The following NCAM2 variants were observed in gnomAD, a reference collection of about 807,000 sequenced individuals.
NCAM2 encodes N-CAM-2.
NCAM2 carries 30 observed loss-of-function variants against 98.1 expected under a neutral mutation model. That is an observed-to-expected ratio of 0.31 (90% CI 0.23 to 0.41). The LOEUF (loss-of-function observed/expected upper bound fraction) is 0.41, where lower values mean the gene tolerates loss of function less well. Ranked by LOEUF, NCAM2 falls within the 10% of genes least tolerant of loss-of-function variation. NCAM2 has a pLI of 1.00. For missense variants in NCAM2, 867 were observed against 1,005.8 expected, an observed-to-expected ratio of 0.86 and a Z score of 1.87; for synonymous variants, 368 against 342.4, an observed-to-expected ratio of 1.07 and a Z score of -0.83.
intron 15 of NCAM2, among the ~76,000 whole-genome samples, chr21:21,488,859 A>G (rs145374131): frequency 0.013 from 1,992 of 152,216 alleles, 18 homozygotes; most frequent in Non-Finnish European, 0.02. Context: ...AATATTGATC[A>G]TACCTAAATA....
At chr21:21,013,056 G>A (rs2064239259) in intron 1 of NCAM2, among the ~76,000 whole-genome samples, 1 of 151,960 alleles carries the variant, frequency 6.6e-6, no homozygotes, top group Non-Finnish European at 1.5e-5. Context: ...ATTGAAATTA[G>A]GCCAATAAAT....
At chr21:21,047,811 T>A (rs1036954831) in intron 1 of NCAM2, among the ~76,000 whole-genome samples, 1 of 152,168 alleles carries the variant, frequency 6.6e-6, no homozygotes, top group Non-Finnish European at 1.5e-5. Flanking sequence ...AGCTCTGATT[T>A]TTTTCATCTT....
chr21:21,242,731 T>A (rs1218528177), intron 1 of NCAM2, among the ~76,000 whole-genome samples: 1 of 152,232 alleles, frequency 6.6e-6, no homozygotes, highest in African/African-American at 2.4e-5. Flanking sequence ...TCCATCTATC[T>A]GATGATGGAC....
At chr21:21,011,327 C>T (rs1166646951) in intron 1 of NCAM2, among the ~76,000 whole-genome samples, 3 of 151,922 alleles carry the variant, frequency 2.0e-5, no homozygotes, top group Non-Finnish European at 4.4e-5. Context: ...TAAAATGATG[C>T]TCATTTCACT....
intron 1 of NCAM2, among the ~76,000 whole-genome samples, chr21:21,030,228 T>A (rs981616901): frequency 6.6e-6 from 1 of 152,154 alleles, no homozygotes; most frequent in South Asian, 2.1e-4. Flanking sequence ...GTAAATACTT[T>A]TACTAACACA....
At chr21:21,357,877 A>G (rs571885253) in intron 8 of NCAM2, among the ~76,000 whole-genome samples, 8 of 152,312 alleles carry the variant, frequency 5.3e-5, no homozygotes, top group African/African-American at 1.9e-4. Flanking sequence ...AAACTTAATA[A>G]AATACTTTAG....
At chr21:21,282,821 A>G (rs1169317701) in intron 2 of NCAM2, among the ~76,000 whole-genome samples, 3 of 151,858 alleles carry the variant, frequency 2.0e-5, no homozygotes, top group Non-Finnish European at 3.0e-5. Context: ...GATAGAAATT[A>G]TTTGTTAGAG....
intron 1 of NCAM2, among the ~76,000 whole-genome samples, chr21:21,215,307 T>C (rs2069846697): frequency 6.6e-6 from 1 of 152,190 alleles, no homozygotes; most frequent in African/African-American, 2.4e-5. Flanking sequence ...GTCATAGAGA[T>C]GTTCTCATGT....
chr21:21,494,926 C>T (rs900286645), intron 15 of NCAM2, among the ~76,000 whole-genome samples: 1 of 151,316 alleles, frequency 6.6e-6, no homozygotes, highest in Non-Finnish European at 1.5e-5. Flanking sequence ...AAAATAAGCA[C>T]AGCTCAGTTT....
At chr21:21,108,336 G>C (rs895783102) in intron 1 of NCAM2, among the ~76,000 whole-genome samples, 1 of 151,866 alleles carries the variant, frequency 6.6e-6, no homozygotes, top group African/African-American at 2.4e-5. Context: ...TTTCATTCAC[G>C]GTTTAATTTC....
chr21:21,068,062 C>G (rs1386354661), intron 1 of NCAM2, among the ~76,000 whole-genome samples: 4 of 150,926 alleles, frequency 2.7e-5, no homozygotes, highest in Admixed American at 6.6e-5. Flanking sequence ...GTTCATTTAA[C>G]TTTTTGTGAA....
chr21:21,059,812 A>T (rs2065285421), intron 1 of NCAM2, among the ~76,000 whole-genome samples: 1 of 152,100 alleles, frequency 6.6e-6, no homozygotes, highest in Admixed American at 6.6e-5. Flanking sequence ...TATGTAGCAG[A>T]TAGAGACCAA....
chr21:21,123,848 C>CTTTTTTTTTTTTTTTTTTTTTTTTTT (rs71193401), intron 1 of NCAM2, among the ~76,000 whole-genome samples: 2 of 86,656 alleles, frequency 2.3e-5, no homozygotes, highest in African/African-American at 9.1e-5. Context: ...TTCTTGATTG[C>CTTTTTTTTTTTTTTTTTTTTTTTTTT]TTTTTTTTTT....
intron 11 of NCAM2, among the ~76,000 whole-genome samples, chr21:21,430,830 G>A (rs1281205732): frequency 3.3e-5 from 5 of 151,806 alleles, no homozygotes; most frequent in African/African-American, 7.3e-5. Context: ...GGCAGATCAC[G>A]AGGTTAAAAG....
intron 1 of NCAM2, among the ~76,000 whole-genome samples, chr21:21,074,713 C>T (rs8128423): frequency 6.7e-6 from 1 of 148,404 alleles, no homozygotes; most frequent in African/African-American, 2.5e-5. Flanking sequence ...AGCTAACACT[C>T]GTTCTTTCTT....
chr21:21,537,785 G>T (rs1990061073), intron 17 of NCAM2, 61 bp from the exon 18 acceptor site: 5 of 797,842 alleles, frequency 6.3e-6, no homozygotes, highest in East Asian at 2.6e-5. Context: ...GTAACTTAAA[G>T]GTTAAGGTAC....
intron 1 of NCAM2, among the ~76,000 whole-genome samples, chr21:21,062,860 G>T (rs527752432): frequency 3.7e-4 from 56 of 152,248 alleles, no homozygotes; most frequent in African/African-American, 1.3e-3. Context: ...GCAGAGAAAG[G>T]TGATCATAAC....
chr21:21,045,136 A>T (rs2064983677), intron 1 of NCAM2, among the ~76,000 whole-genome samples: 1 of 152,168 alleles, frequency 6.6e-6, no homozygotes, highest in South Asian at 2.1e-4. Context: ...TTGATACTTA[A>T]AACTGTTAAC....
intron 1 of NCAM2, among the ~76,000 whole-genome samples, chr21:21,230,126 T>C (rs2070561301): frequency 6.6e-6 from 1 of 151,084 alleles, no homozygotes; most frequent in South Asian, 2.1e-4. Context: ...ATTTGGATGA[T>C]TACTCTCTGT....
Sources: allele counts gnomAD v4.1 joint callset (sites outside exome capture counted in the v4.1 genomes callset), GRCh38; gene constraint gnomAD v4.1.1; transcripts MANE v1.5; gene names NCBI Gene and HGNC (gene_info 2026-07-23, HGNC 2026-07-21).